The following BACH2 variants were observed in gnomAD, a reference collection of about 807,000 sequenced individuals.
BACH2 encodes BACH transcriptional regulator 2.
BACH2 carries 5 observed loss-of-function variants against 61.8 expected under a neutral mutation model. The ratio of observed to expected loss-of-function variants is 0.08; its 90% CI spans 0.04 to 0.17. The LOEUF (loss-of-function observed/expected upper bound fraction) is 0.17, where lower values mean the gene tolerates loss of function less well. BACH2 is among the 10% of genes least tolerant of loss of function. The probability of loss-of-function intolerance (pLI) is 1.00; values close to 1 mark genes in which losing one functional copy is unlikely to be tolerated. For missense variants in BACH2, 824 were observed against 1,091.1 expected (o/e 0.76, Z 3.45); for synonymous variants, 446 against 440.1 (o/e 1.01, Z -0.17).
At chr6:90,190,825 G>A (rs78275221) in intron 4 of BACH2, among the ~76,000 whole-genome samples, 2,220 of 152,304 alleles carry the variant, frequency 0.015, 32 homozygotes, top group Non-Finnish European at 0.021. Context: ...CCAGACCAAC[G>A]ACTCTGATCT....
intron 1 of BACH2, among the ~76,000 whole-genome samples, chr6:90,277,581 G>C (rs1277364451): frequency 1.3e-5 from 2 of 152,112 alleles, no homozygotes; most frequent in Non-Finnish European, 2.9e-5. Context: ...TCACTTTATG[G>C]AAATTCGTCA....
intron 6 of BACH2, among the ~76,000 whole-genome samples, chr6:89,985,527 A>G (rs10806415): frequency 0.39 from 59,739 of 151,938 alleles, 12,669 homozygotes; most frequent in African/African-American, 0.55. Flanking sequence ...CTCCTGGGTC[A>G]TGTCCCTGAG....
chr6:90,243,046 ATT>A (rs397886318), intron 3 of BACH2, among the ~76,000 whole-genome samples: 8 of 101,244 alleles, frequency 7.9e-5, no homozygotes, highest in Admixed American at 1.1e-4. Context: ...TGCCCGGCTA[ATT>A]TTTTTTTTTT....
chr6:90,237,446 CACTTT>C (rs1237366058), intron 3 of BACH2, among the ~76,000 whole-genome samples: 3 of 152,142 alleles, frequency 2.0e-5, no homozygotes, highest in Non-Finnish European at 2.9e-5. Flanking sequence ...TATTTCCTGC[CACTTT>C]ACTTTACAAA....
At chr6:90,173,708 A>G (rs1767893643) in intron 4 of BACH2, among the ~76,000 whole-genome samples, 1 of 152,170 alleles carries the variant, frequency 6.6e-6, no homozygotes, top group South Asian at 2.1e-4. Context: ...AGCATGAGGA[A>G]CTTTCTGGTG....
At chr6:90,173,902 G>C (rs1267026389) in intron 4 of BACH2, among the ~76,000 whole-genome samples, 1 of 152,142 alleles carries the variant, frequency 6.6e-6, no homozygotes, top group African/African-American at 2.4e-5. Context: ...AAAGCCTTTT[G>C]TGTCTTTGAA....
intron 4 of BACH2, among the ~76,000 whole-genome samples, chr6:90,101,204 TC>T (rs1782611883): frequency 6.6e-6 from 1 of 152,242 alleles, no homozygotes; most frequent in South Asian, 2.1e-4. Context: ...CTTTTCACTT[TC>T]TTAATGGTTT....
intron 5 of BACH2, among the ~76,000 whole-genome samples, chr6:90,053,360 GTCT>G (rs1003712996): frequency 2.6e-5 from 4 of 152,018 alleles, no homozygotes; most frequent in Admixed American, 1.3e-4. Context: ...GCTCACTGCA[GTCT>G]TCAACTCCTG....
At chr6:90,029,803 G>T (rs999027990) in intron 5 of BACH2, among the ~76,000 whole-genome samples, 9 of 152,122 alleles carry the variant, frequency 5.9e-5, no homozygotes, top group African/African-American at 1.9e-4. Context: ...TGGGCCTCAA[G>T]GTCGCCTTGC....
chr6:90,293,452 G>A, intron 1 of BACH2, among the ~76,000 whole-genome samples: 1 of 152,178 alleles, frequency 6.6e-6, no homozygotes, highest in East Asian at 1.9e-4. Context: ...AGATTGGCTT[G>A]AGCCCTTTTG....
intron 4 of BACH2, among the ~76,000 whole-genome samples, chr6:90,144,300 C>T (rs928157136): frequency 6.6e-6 from 1 of 151,876 alleles, no homozygotes; most frequent in African/African-American, 2.4e-5. Flanking sequence ...GCTGTGTCAT[C>T]AGTAGGCACT....
rs1562384210 is a variant in BACH2 at position 90,031,154 on chromosome 6, A to AT, written c.-12-22299_-12-22298insA. On this transcript the variant is annotated intron_variant, in intron 5 of 8. Coordinates refer to ENST00000257749, the MANE Select transcript of BACH2 (RefSeq NM_021813.4). Reference sequence around the variant, plus strand: ...AAAAGGCCTTTGACAAAATTCAACAACCTTCATGCTAAAAATTCTCAATAA... The same window carrying AT: ...AAAAGGCCTTTGACAAAATTCAACAATCCTTCATGCTAAAAATTCTCAATAA... Among the ~76,000 whole-genome samples, 20 of 152,118 alleles carry AT rather than the reference A, an allele frequency of 1.3e-4. No individual in the cohort carries two copies. The East Asian group carries it at 2.7e-3, about 21-fold the overall frequency.
At chr6:90,126,513 A>T (rs1783857548) in intron 4 of BACH2, among the ~76,000 whole-genome samples, 1 of 152,232 alleles carries the variant, frequency 6.6e-6, no homozygotes, top group South Asian at 2.1e-4. Context: ...TTAAATAAAA[A>T]GAAACAAAAG....
chr6:90,162,251 C>T (rs1432180389), intron 4 of BACH2, among the ~76,000 whole-genome samples: 1 of 152,186 alleles, frequency 6.6e-6, no homozygotes, highest in Non-Finnish European at 1.5e-5. Flanking sequence ...ATTTAAATTA[C>T]TAGTGCTCTC....
At chr6:90,104,701 C>T (rs878923789) in intron 4 of BACH2, among the ~76,000 whole-genome samples, 1 of 152,188 alleles carries the variant, frequency 6.6e-6, no homozygotes, top group Non-Finnish European at 1.5e-5. Flanking sequence ...TGGTGGGCTA[C>T]ACCACCTGAA....
intron 4 of BACH2, among the ~76,000 whole-genome samples, chr6:90,100,507 T>C (rs747479203): frequency 8.5e-5 from 13 of 152,146 alleles, no homozygotes; most frequent in Non-Finnish European, 1.8e-4. Context: ...GAAAAAAGGC[T>C]GACCTCTCCC....
chr6:90,211,304 G>A (rs187132744), intron 3 of BACH2, among the ~76,000 whole-genome samples: 83 of 152,128 alleles, frequency 5.5e-4, no homozygotes, highest in African/African-American at 1.9e-3. Flanking sequence ...CCAGGTCCTC[G>A]CTATGGAAGA....
intron 6 of BACH2, among the ~76,000 whole-genome samples, chr6:89,972,795 T>TA (rs1168103080): frequency 1.3e-5 from 2 of 151,082 alleles, no homozygotes; most frequent in Admixed American, 6.6e-5. Flanking sequence ...AAAGGGTCTT[T>TA]AAAAAAAACG....
At chr6:90,123,483 G>A (rs945079158) in intron 4 of BACH2, among the ~76,000 whole-genome samples, 20 of 152,200 alleles carry the variant, frequency 1.3e-4, no homozygotes, top group Non-Finnish European at 1.9e-4. Flanking sequence ...TAAGAAGACC[G>A]GTGGGGGCCG....
Sources: allele counts gnomAD v4.1 joint callset (sites outside exome capture counted in the v4.1 genomes callset), GRCh38; gene constraint gnomAD v4.1.1; transcripts MANE v1.5; gene names NCBI Gene and HGNC (gene_info 2026-07-23, HGNC 2026-07-21).